The following SMIM7 variants were observed in gnomAD, a reference collection of about 807,000 sequenced individuals.
SMIM7 encodes the protein UPF0608 protein C19orf42.
Under a neutral mutation model 13.3 loss-of-function variants are expected in SMIM7, and 12 were observed. The observed-to-expected ratio is 0.90, with a 90% CI of 0.58 to 1.46. SMIM7 has a LOEUF of 1.46. Ranked by LOEUF, SMIM7 falls within the 40% of genes most tolerant of loss-of-function variation. The pLI, the probability that SMIM7 is intolerant of heterozygous loss-of-function variation, is 0.00. For missense variants in SMIM7, 114 were observed against 94.8 expected (o/e 1.20, Z -0.84); for synonymous variants, 36 against 35.8 (o/e 1.01, Z -0.02).
chr19:16,635,663 C>T (rs1369240932), intron 4 of SMIM7, among the ~76,000 whole-genome samples: 2 of 151,826 alleles, frequency 1.3e-5, no homozygotes, highest in Non-Finnish European at 2.9e-5. Flanking sequence ...GGGCGGATCA[C>T]TTGAGGTCAG....
At chr19:16,659,488 T>C (rs767865109) in intron 2 of SMIM7, 41 bp from the exon 3 acceptor site, 6 of 1,592,672 alleles carry the variant, frequency 3.8e-6, no homozygotes, top group Admixed American at 3.5e-5. Context: ...CAATGGGACA[T>C]AGAGTCCTCA....
chr19:16,652,751 G>A lies in SMIM7; in HGVS notation c.212+1284C>T, dbSNP rs529659757. 2.7e-6 allele frequency: 4 copies of A among 1,463,188 alleles called. No homozygotes were observed. In the South Asian group the frequency reaches 5.8e-5, roughly 21 times the overall value. 90.6% of individuals were successfully genotyped at this position (1,463,188 alleles called of 1,614,324 possible). ...ACTGGACAGCAACCCCACATTCGGA[G>A]TCTCAATCACTCAGGACAGACAACT... On this transcript the variant is annotated intron_variant, in intron 4 of 4. Transcript: ENST00000487416.
At chr19:16,649,234 G>A (rs1390748915) in intron 4 of SMIM7, among the ~76,000 whole-genome samples, 8 of 152,016 alleles carry the variant, frequency 5.3e-5, no homozygotes. Context: ...GGTTGAGGTG[G>A]GTGGATCACT....
intron 4 of SMIM7, chr19:16,652,632 T>C: frequency 1.5e-6 from 2 of 1,337,054 alleles, no homozygotes; most frequent in Non-Finnish European, 9.6e-7. Context: ...TGGGAATACA[T>C]CACGGTCCTT....
chr19:16,641,760 G>A (rs952578487), downstream of SMIM7, among the ~76,000 whole-genome samples: 5 of 152,110 alleles, frequency 3.3e-5, no homozygotes, highest in Non-Finnish European at 4.4e-5. Context: ...CACGACACCC[G>A]GCTAGTTTTT....
intron 4 of SMIM7, chr19:16,652,810 G>C: frequency 6.5e-7 from 1 of 1,545,328 alleles, no homozygotes; most frequent in Non-Finnish European, 8.7e-7. Flanking sequence ...GAAGCATACA[G>C]GGATGGACCC....
At chr19:16,639,421 C>T (rs1184047966) in intron 4 of SMIM7, among the ~76,000 whole-genome samples, 2 of 152,174 alleles carry the variant, frequency 1.3e-5, no homozygotes, top group African/African-American at 2.4e-5. Context: ...TGCGCCCGGT[C>T]ATAAGATGTC....
At chr19:16,636,127 A>G (rs902032650) in intron 4 of SMIM7, 1 of 151,934 alleles carries the variant, frequency 6.6e-6, no homozygotes, top group Non-Finnish European at 1.5e-5. Context: ...AATGGGGAAG[A>G]AAGAGGTAGA....
chr19:16,639,161 G>A (rs554647554), intron 4 of SMIM7, among the ~76,000 whole-genome samples: 71 of 139,352 alleles, frequency 5.1e-4, no homozygotes, highest in East Asian at 1.0e-3. Context: ...TTGCTCTGTC[G>A]CCCAGGCTGG....
intron 4 of SMIM7, among the ~76,000 whole-genome samples, chr19:16,637,106 G>C (rs1482334886): frequency 6.6e-6 from 1 of 152,230 alleles, no homozygotes; most frequent in Non-Finnish European, 1.5e-5. Context: ...CTAAGACGGA[G>C]ACTGAAACAG....
chr19:16,650,098 A>G (rs1446235836), intron 4 of SMIM7, among the ~76,000 whole-genome samples: 1 of 152,210 alleles, frequency 6.6e-6, no homozygotes, highest in Non-Finnish European at 1.5e-5. Context: ...GATTGTGAAG[A>G]CAGACTTCCG....
intron 4 of SMIM7, among the ~76,000 whole-genome samples, chr19:16,647,675 C>T (rs1434685630): frequency 1.3e-5 from 2 of 151,894 alleles, no homozygotes; most frequent in Non-Finnish European, 2.9e-5. Context: ...GGGCTGGTTT[C>T]GAACTCCTGA....
At chr19:16,655,531 G>A (rs1027161688) in intron 3 of SMIM7, among the ~76,000 whole-genome samples, 1 of 151,520 alleles carries the variant, frequency 6.6e-6, no homozygotes, top group African/African-American at 2.4e-5. Flanking sequence ...AAATACAAAA[G>A]TTAGCCGGGT....
At chr19:16,659,479 A>G in intron 2 of SMIM7, 32 bp from the exon 3 acceptor site, 1 of 1,604,634 alleles carries the variant, frequency 6.2e-7, no homozygotes, top group Non-Finnish European at 8.5e-7. Context: ...GTCCACTTTC[A>G]ATGGGACATA....
At chr19:16,658,899 C>T (rs774447666) in intron 3 of SMIM7, among the ~76,000 whole-genome samples, 11 of 151,888 alleles carry the variant, frequency 7.2e-5, no homozygotes, top group Non-Finnish European at 1.0e-4. Flanking sequence ...GATGTGAGTG[C>T]TCACATCAGG....
At position 16,659,929 on chromosome 19, in the gene SMIM7, G is replaced by A. The variant is rs375780814; in HGVS notation, c.68+30C>T. ...GGGCGGGGCTACGGGTTCCCCGGAT[G>A]GAGCCGCAGTCCGGCCGCGACCTAC... On this transcript the variant is annotated intron_variant, in intron 2 of 4. Transcript: ENST00000487416. 10 of 1,600,048 alleles carry A rather than the reference G, an allele frequency of 6.2e-6. No homozygotes were observed. In the East Asian group the frequency reaches 1.8e-4, roughly 29 times the overall value.
At chr19:16,631,089 A>G (rs2086318496) in exon 5 of SMIM7, 1 of 152,226 alleles carries the variant, frequency 6.6e-6, no homozygotes, top group African/African-American at 2.4e-5. Context: ...CCCCAAAGAG[A>G]AAGGGAGAGG....
At chr19:16,648,038 G>A (rs891590046) in intron 4 of SMIM7, among the ~76,000 whole-genome samples, 3 of 152,110 alleles carry the variant, frequency 2.0e-5, no homozygotes, top group African/African-American at 7.2e-5. Flanking sequence ...GAAAACTTAC[G>A]TGTACATCTT....
At chr19:16,642,317 G>A (rs1298526696), downstream of SMIM7, among the ~76,000 whole-genome samples, 4 of 152,180 alleles carry the variant, frequency 2.6e-5, no homozygotes. Flanking sequence ...CAGCACTTTG[G>A]GAAGCCAAGG....
Sources: allele counts gnomAD v4.1 joint callset (sites outside exome capture counted in the v4.1 genomes callset), GRCh38; gene constraint gnomAD v4.1.1; transcripts MANE v1.5; gene names NCBI Gene and HGNC (gene_info 2026-07-23, HGNC 2026-07-21).